Variants in RAB3GAP1 observed in about 807,000 individuals in gnomAD.
RAB3GAP1 encodes the protein RAB3 GTPase activating protein catalytic subunit 1, also known as rab3 GTPase-activating protein catalytic subunit.
RAB3GAP1 carries 86 observed loss-of-function variants against 130.7 expected under a neutral mutation model. The ratio of observed to expected loss-of-function variants is 0.66; its 90% CI spans 0.55 to 0.79. The LOEUF is 0.79. RAB3GAP1 is among the 30% of genes least tolerant of loss of function. The probability of loss-of-function intolerance (pLI) is 0.00; values close to 1 mark genes in which losing one functional copy is unlikely to be tolerated. For missense variants in RAB3GAP1, 1,029 were observed against 1,169.4 expected, an observed-to-expected ratio of 0.88 and a Z score of 1.75; for synonymous variants, 367 against 401.7, an observed-to-expected ratio of 0.91 and a Z score of 1.03.
rs761783875 is a variant in RAB3GAP1 at position 135,135,864 on chromosome 2, C to T, written c.1855C>T (p.Arg619Trp). 17 of 1,613,890 alleles carry T rather than the reference C, an allele frequency of 1.1e-5. No individual in the cohort carries two copies. In the East Asian group the frequency reaches 1.3e-4, roughly 13 times the overall value. The change falls in exon 17 of 24, where the codon CGG (arginine) becomes TGG (tryptophan). Residue 619 changes from arginine to tryptophan, a missense_variant. Coordinates refer to ENST00000264158, the MANE Select transcript of RAB3GAP1 (RefSeq NM_012233.3). ...KEMANLRPEG[R>W]LYQHGKLTLL... ...GATGGCAAATTTAAGGCCGGAAGGACGGCTCTATCAGCATGGGAAACTTAC... is the reference window on the plus strand; with the variant it reads ...GATGGCAAATTTAAGGCCGGAAGGATGGCTCTATCAGCATGGGAAACTTAC...
chr2:135,088,381 C>A (rs561128488), intron 3 of RAB3GAP1, among the ~76,000 whole-genome samples: 2 of 151,880 alleles, frequency 1.3e-5, no homozygotes, highest in Non-Finnish European at 2.9e-5. Flanking sequence ...AGAAACCCAC[C>A]CCACACAAAA....
At chr2:135,113,668 AC>A (rs1190679875) in intron 6 of RAB3GAP1, among the ~76,000 whole-genome samples, 1 of 152,084 alleles carries the variant, frequency 6.6e-6, no homozygotes, top group African/African-American at 2.4e-5. Flanking sequence ...TGCCCACCTT[AC>A]AGAGCTGATC....
At chr2:135,168,136 A>G (rs769815676) in intron 23 of RAB3GAP1, among the ~76,000 whole-genome samples, 3 of 152,244 alleles carry the variant, frequency 2.0e-5, no homozygotes, top group South Asian at 2.1e-4. Flanking sequence ...ATTCTTACCC[A>G]GAGTCAAGAT....
At chr2:135,133,423 T>C (rs1691599972) in intron 14 of RAB3GAP1, among the ~76,000 whole-genome samples, 1 of 152,144 alleles carries the variant, frequency 6.6e-6, no homozygotes, top group Non-Finnish European at 1.5e-5. Flanking sequence ...AGTGTAGATA[T>C]ATATCAACCT....
chr2:135,079,565 G>T (rs533552923), intron 3 of RAB3GAP1, among the ~76,000 whole-genome samples: 6 of 152,148 alleles, frequency 3.9e-5, no homozygotes, highest in African/African-American at 1.4e-4. Flanking sequence ...TAGCTGAGTT[G>T]GGTTGTTTCC....
intron 11 of RAB3GAP1, 83 bp downstream of exon 11, chr2:135,126,739 C>T (rs1422701049): frequency 1.7e-6 from 2 of 1,171,994 alleles, no homozygotes; most frequent in Non-Finnish European, 2.6e-6. Context: ...ATTCTTTATA[C>T]TTTGTCACCT....
intron 23 of RAB3GAP1, among the ~76,000 whole-genome samples, chr2:135,165,355 T>A (rs1474584663): frequency 6.6e-6 from 1 of 152,224 alleles, no homozygotes; most frequent in Non-Finnish European, 1.5e-5. Flanking sequence ...CTCATTAATA[T>A]TAGGGATTCT....
chr2:135,162,931 G>A (rs1692509490), intron 21 of RAB3GAP1, 55 bp from the exon 22 acceptor site: 1 of 1,577,058 alleles, frequency 6.3e-7, no homozygotes, highest in Non-Finnish European at 8.7e-7. Flanking sequence ...CGTTTTCAAA[G>A]GGCTTTGCTT....
intron 3 of RAB3GAP1, among the ~76,000 whole-genome samples, chr2:135,069,689 T>G (rs1468939447): frequency 6.6e-6 from 1 of 152,188 alleles, no homozygotes; most frequent in Admixed American, 6.5e-5. Context: ...TTCTTTTTGT[T>G]CGTTTTATTC....
chr2:135,123,690 A>G (rs1691266676), intron 8 of RAB3GAP1, among the ~76,000 whole-genome samples: 2 of 152,152 alleles, frequency 1.3e-5, no homozygotes, highest in African/African-American at 4.8e-5. Flanking sequence ...TGATCTTTAT[A>G]TATTTCCATT....
At chr2:135,087,576 G>A (rs1027791454) in intron 3 of RAB3GAP1, among the ~76,000 whole-genome samples, 1 of 152,006 alleles carries the variant, frequency 6.6e-6, no homozygotes, top group Non-Finnish European at 1.5e-5. Context: ...AAGTATTTTA[G>A]GTAGAGTTTT....
chr2:135,070,847 TAA>T (rs1689452518), intron 3 of RAB3GAP1, among the ~76,000 whole-genome samples: 1 of 152,200 alleles, frequency 6.6e-6, no homozygotes, highest in Non-Finnish European at 1.5e-5. Flanking sequence ...TATGCATTCT[TAA>T]TTTTGAATGT....
intron 5 of RAB3GAP1, among the ~76,000 whole-genome samples, chr2:135,101,626 T>A (rs550456423): frequency 6.6e-6 from 1 of 152,334 alleles, no homozygotes; most frequent in East Asian, 1.9e-4. Context: ...ACCTCTCAGA[T>A]TAGCTCCAAG....
intron 19 of RAB3GAP1, among the ~76,000 whole-genome samples, chr2:135,154,544 A>G (rs931861550): frequency 6.6e-6 from 1 of 152,180 alleles, no homozygotes; most frequent in Non-Finnish European, 1.5e-5. Flanking sequence ...ATTCCAGTGG[A>G]GCTCCCACTG....
At chr2:135,087,269 G>A (rs1690014841) in intron 3 of RAB3GAP1, among the ~76,000 whole-genome samples, 1 of 152,150 alleles carries the variant, frequency 6.6e-6, no homozygotes, top group Admixed American at 6.5e-5. Flanking sequence ...TGATCTGTTT[G>A]TCTGTCTTTA....
chr2:135,129,465 T>C (rs1029746641), intron 11 of RAB3GAP1, among the ~76,000 whole-genome samples: 1 of 149,610 alleles, frequency 6.7e-6, no homozygotes, highest in African/African-American at 2.5e-5. Flanking sequence ...AAAAAAAAAA[T>C]AAAATAAATA....
chr2:135,055,264 C>A (rs1279587743), intron 2 of RAB3GAP1, among the ~76,000 whole-genome samples: 1 of 152,138 alleles, frequency 6.6e-6, no homozygotes, highest in Non-Finnish European at 1.5e-5. Context: ...CCTTCATTTC[C>A]TGAGAGCTTT....
At chr2:135,135,426 G>C in intron 16 of RAB3GAP1, 107 bp downstream of exon 16, 2 of 1,432,822 alleles carry the variant, frequency 1.4e-6, no homozygotes, top group Admixed American at 1.7e-5. Context: ...TGCTGCTGTA[G>C]GTTGCCTATA....
At chr2:135,167,454 A>G (rs980642808) in intron 23 of RAB3GAP1, among the ~76,000 whole-genome samples, 2 of 151,906 alleles carry the variant, frequency 1.3e-5, no homozygotes, top group African/African-American at 4.8e-5. Context: ...ATTAAATGAC[A>G]TCATATGTCA....
Sources: gnomAD v4.1 joint callset for allele counts (sites outside exome capture counted in the v4.1 genomes callset) on GRCh38, gnomAD v4.1.1 for gene constraint, MANE v1.5 for transcripts, NCBI Gene and HGNC (gene_info 2026-07-23, HGNC 2026-07-21) for gene names.